Variants in SLC60A1 observed in about 807,000 individuals in gnomAD.
The protein encoded by SLC60A1 is major facilitator superfamily domain containing 4.
the SLC60A1 span, chr1:205,585,035 C>G: frequency 1.3e-6 from 2 of 1,496,696 alleles, no homozygotes; most frequent in Non-Finnish European, 1.9e-6. The surrounding 1 kb of genome is among the most constrained non-coding windows in gnomAD (Gnocchi z 4.2). Flanking sequence ...GGACCCTTCA[C>G]CCCCAGACTC....
the SLC60A1 span, among the ~76,000 whole-genome samples, chr1:205,577,310 C>T: frequency 6.6e-6 from 1 of 152,182 alleles, no homozygotes; most frequent in African/African-American, 2.4e-5. The surrounding 1 kb of genome is among the most constrained non-coding windows in gnomAD (Gnocchi z 5.2). Context: ...CCAGGCCACC[C>T]CATGTGGGCT....
the SLC60A1 span, chr1:205,597,906 G>GA: frequency 1.7e-5 from 26 of 1,553,596 alleles, no homozygotes; most frequent in Non-Finnish European, 2.3e-5. Context: ...CCTCTGACAG[G>GA]TGAGAAGATG....
the SLC60A1 span, among the ~76,000 whole-genome samples, chr1:205,591,049 A>G: frequency 6.6e-6 from 1 of 152,224 alleles, no homozygotes; most frequent in African/African-American, 2.4e-5. Flanking sequence ...TCTGACCCCA[A>G]ATCTTGTGCT....
At chr1:205,599,656 T>C in the SLC60A1 span, among the ~76,000 whole-genome samples, 1 of 152,236 alleles carries the variant, frequency 6.6e-6, no homozygotes, top group African/African-American at 2.4e-5. Context: ...CTCTTTGCAG[T>C]TCAGGATTTT....
chr1:205,588,696 G>A, the SLC60A1 span, among the ~76,000 whole-genome samples: 1 of 152,116 alleles, frequency 6.6e-6, no homozygotes, highest in African/African-American at 2.4e-5. Context: ...GACTACTTCC[G>A]AGTATTCCTC....
chr1:205,582,307 T>C, the SLC60A1 span, among the ~76,000 whole-genome samples: 1 of 152,200 alleles, frequency 6.6e-6, no homozygotes, highest in Non-Finnish European at 1.5e-5. Flanking sequence ...GGGACTTTGT[T>C]TGCTGCAGGA....
chr1:205,602,840 G>A, the SLC60A1 span: 1 of 152,206 alleles, frequency 6.6e-6, no homozygotes, highest in Non-Finnish European at 1.5e-5. Context: ...GAAGTTGATT[G>A]TGACTAATTT....
At chr1:205,569,305 TGCCGC>T in the SLC60A1 span, 3 of 1,499,270 alleles carry the variant, frequency 2.0e-6, no homozygotes, top group Non-Finnish European at 2.7e-6. Context: ...AGGACGTGAG[TGCCGC>T]GCCCGTGCGC....
At chr1:205,586,227 C>G in the SLC60A1 span, 2 of 1,612,132 alleles carry the variant, frequency 1.2e-6, no homozygotes, top group African/African-American at 2.7e-5. Flanking sequence ...TGAATAGCCT[C>G]CTCTCTCTTC....
chr1:205,594,711 T>C, the SLC60A1 span, among the ~76,000 whole-genome samples: 4 of 152,136 alleles, frequency 2.6e-5, no homozygotes, highest in South Asian at 8.3e-4. Context: ...AAATCCATCA[T>C]CTTCATTTCT....
the SLC60A1 span, chr1:205,592,167 C>T: frequency 1.9e-6 from 3 of 1,614,048 alleles, no homozygotes; most frequent in South Asian, 2.2e-5. Flanking sequence ...GTTCCTGGTG[C>T]TGCTTATTTT....
the SLC60A1 span, chr1:205,584,927 C>A: frequency 6.2e-7 from 1 of 1,614,110 alleles, no homozygotes; most frequent in Non-Finnish European, 8.5e-7. Context: ...AGAGGAGCCC[C>A]TTATTCCTTC....
chr1:205,569,246 G>T, the SLC60A1 span: 2 of 1,570,022 alleles, frequency 1.3e-6, no homozygotes, highest in Non-Finnish European at 1.7e-6. Context: ...TCTTCTTCTC[G>T]CAGCAGCTCT....
At chr1:205,579,784 C>T in the SLC60A1 span, 1 of 1,614,174 alleles carries the variant, frequency 6.2e-7, no homozygotes, top group Non-Finnish European at 8.5e-7. Context: ...TGTTCACCTC[C>T]TCTCTGGCCA....
At chr1:205,597,373 G>GTTTTTTTTTTTTTT in the SLC60A1 span, among the ~76,000 whole-genome samples, 2 of 37,228 alleles carry the variant, frequency 5.4e-5, no homozygotes, top group Non-Finnish European at 1.4e-4. Context: ...AACCTAGGTT[G>GTTTTTTTTTTTTTT]TTTTTTTTTT....
At chr1:205,585,631 G>A in the SLC60A1 span, among the ~76,000 whole-genome samples, 216 of 151,974 alleles carry the variant, frequency 1.4e-3, 1 homozygote, top group African/African-American at 5.1e-3. The surrounding 1 kb of genome is among the most constrained non-coding windows in gnomAD (Gnocchi z 4.2). Flanking sequence ...GTGTGACCTC[G>A]GGCAAGTCAC....
chr1:205,580,937 G>T, the SLC60A1 span: 1 of 1,610,640 alleles, frequency 6.2e-7, no homozygotes, highest in South Asian at 1.1e-5. This position sits in a 1 kb window ranked among gnomAD's most constrained non-coding sequence, Gnocchi z 5.0. Context: ...TGTCCCTGGG[G>T]TGGGCCAGGT....
At chr1:205,592,984 C>T in the SLC60A1 span, among the ~76,000 whole-genome samples, 2 of 152,154 alleles carry the variant, frequency 1.3e-5, no homozygotes, top group Non-Finnish European at 2.9e-5. Context: ...GATTAGAACA[C>T]AGATCTGGTT....
the SLC60A1 span, among the ~76,000 whole-genome samples, chr1:205,595,442 G>A: frequency 6.6e-6 from 1 of 152,174 alleles, no homozygotes; most frequent in Non-Finnish European, 1.5e-5. Flanking sequence ...CTGGAAAGGT[G>A]TGCCTCCCCT....
Sources: allele counts gnomAD v4.1 joint callset (sites outside exome capture counted in the v4.1 genomes callset), GRCh38; gene constraint gnomAD v4.1.1; non-coding constraint Gnocchi (gnomAD v3.1); transcripts MANE v1.5; gene names NCBI Gene and HGNC (gene_info 2026-07-23, HGNC 2026-07-21).